Variants in RIMS2 observed in about 807,000 individuals in gnomAD.
The protein encoded by RIMS2 is regulating synaptic membrane exocytosis 2.
Under a neutral mutation model 174.4 loss-of-function variants are expected in RIMS2, and 59 were observed. The observed-to-expected ratio is 0.34, with a 90% CI of 0.27 to 0.42. The LOEUF is 0.42. Among genes scored for constraint, RIMS2 ranks in the 10% least tolerant of loss-of-function variants. RIMS2 has a pLI of 1.00. For missense variants in RIMS2, 1,620 were observed against 1,666.3 expected (o/e 0.97, Z 0.48); for synonymous variants, 606 against 572.5 (o/e 1.06, Z -0.84).
intron 3 of RIMS2, among the ~76,000 whole-genome samples, chr8:103,863,908 G>T (rs67628222): frequency 0.32 from 23,906 of 74,206 alleles, 2,132 homozygotes; most frequent in Non-Finnish European, 0.36. Context: ...TGTTTTTTTT[G>T]TTTGTTTGTT....
intron 1 of RIMS2, among the ~76,000 whole-genome samples, chr8:103,640,579 T>C (rs1324709057): frequency 6.6e-6 from 1 of 152,178 alleles, no homozygotes; most frequent in East Asian, 1.9e-4. Flanking sequence ...TTCATTTAGT[T>C]AAGCATATTT....
At chr8:103,545,707 T>C (rs1030812207) in intron 1 of RIMS2, among the ~76,000 whole-genome samples, 3 of 152,140 alleles carry the variant, frequency 2.0e-5, no homozygotes, top group South Asian at 2.1e-4. Flanking sequence ...CTAGAAGAGA[T>C]TGGGGGCTTA....
rs2093220085 is a variant in RIMS2 at position 103,576,170 on chromosome 8, G to GCTAT, written c.176+75110_176+75113dup. On this transcript the variant is annotated intron_variant, in intron 1 of 23. Coordinates refer to ENST00000504942, the Ensembl canonical transcript of RIMS2. ...CTAGCCAGCCTTCCCACACTATAAG[G>GCTAT]CTATCCCCTTTGGGACTCATTTGGA... Among the ~76,000 whole-genome samples the GCTAT allele has an allele frequency of 2.6e-5, 4 of 152,268 alleles. No homozygotes were observed. In the South Asian group the frequency reaches 8.3e-4, roughly 32 times the overall value.
Position 103,503,505 on chromosome 8 carries a change from T to C in RIMS2, c.176+2443T>C, listed in dbSNP as rs536627688. ...TTCCCATGAAGTTTTAGGGTTCGCT[T>C]ACCTAGTCATTACTATCCTTTGTTT... On this transcript the variant is annotated intron_variant, in intron 1 of 23. Transcript: ENST00000504942. Among the ~76,000 whole-genome samples, 36 of 152,130 alleles carry C rather than the reference T, an allele frequency of 2.4e-4. No homozygotes were observed. The South Asian group carries it at 7.2e-3, about 31-fold the overall frequency.
intron 19 of RIMS2, among the ~76,000 whole-genome samples, chr8:104,224,514 TTGAC>T (rs1367202089): frequency 2.0e-5 from 3 of 152,232 alleles, no homozygotes; most frequent in Non-Finnish European, 4.4e-5. Flanking sequence ...AAAATGATAA[TTGAC>T]TGGTAAATAG....
intron 3 of RIMS2, among the ~76,000 whole-genome samples, chr8:103,871,705 T>C (rs573955363): frequency 2.0e-5 from 3 of 152,274 alleles, no homozygotes; most frequent in Admixed American, 6.5e-5. Flanking sequence ...CTCAAAAGAC[T>C]GTAGGATCAG....
At chr8:104,196,460 T>C (rs531924823) in intron 19 of RIMS2, among the ~76,000 whole-genome samples, 329 of 152,264 alleles carry the variant, frequency 2.2e-3, no homozygotes, top group Non-Finnish European at 3.2e-3. Context: ...TTATTATTAC[T>C]AGTAGCTTTA....
At chr8:103,604,368 T>C (rs1240937402) in intron 1 of RIMS2, among the ~76,000 whole-genome samples, 3 of 152,094 alleles carry the variant, frequency 2.0e-5, no homozygotes, top group Admixed American at 6.5e-5. Flanking sequence ...ATCTCTGTTT[T>C]GGTACCAGTA....
chr8:104,111,446 C>T (rs2098181515), intron 19 of RIMS2, among the ~76,000 whole-genome samples: 1 of 152,186 alleles, frequency 6.6e-6, no homozygotes, highest in Non-Finnish European at 1.5e-5. Flanking sequence ...CTCACTCTGT[C>T]ATCCAGGCTG....
At chr8:103,766,381 C>A in exon 3 of RIMS2, 1 of 1,613,732 alleles carries the variant, frequency 6.2e-7, no homozygotes, top group East Asian at 2.2e-5. Context: ...GAGAAGAAAC[C>A]AAAACTACAT....
chr8:104,231,106 TC>T (rs2099225504), intron 19 of RIMS2, among the ~76,000 whole-genome samples: 1 of 152,168 alleles, frequency 6.6e-6, no homozygotes, highest in African/African-American at 2.4e-5. Flanking sequence ...CGTTTTTCTT[TC>T]CCATTCTCGT....
intron 1 of RIMS2, among the ~76,000 whole-genome samples, chr8:103,549,655 A>G (rs945113810): frequency 5.9e-5 from 9 of 152,342 alleles, no homozygotes; most frequent in Non-Finnish European, 1.2e-4. Flanking sequence ...TAAATGCTCC[A>G]ATTAAAAGAC....
At chr8:103,885,194 G>A (rs918914147) in intron 3 of RIMS2, 104 bp from the exon 7 acceptor site, 44 of 1,422,722 alleles carry the variant, frequency 3.1e-5, no homozygotes, top group Non-Finnish European at 3.9e-5. Context: ...TTTTAAAAAG[G>A]CAAAAGGACT....
intron 3 of RIMS2, among the ~76,000 whole-genome samples, chr8:103,809,010 T>C (rs571594489): frequency 6.6e-6 from 1 of 152,316 alleles, no homozygotes; most frequent in Admixed American, 6.5e-5. Flanking sequence ...AAACACATAA[T>C]TATTCATGGA....
chr8:104,130,258 C>T (rs2098463890), intron 19 of RIMS2, among the ~76,000 whole-genome samples: 1 of 152,140 alleles, frequency 6.6e-6, no homozygotes, highest in South Asian at 2.1e-4. Flanking sequence ...TTCATTATGT[C>T]AGATGCAATG....
chr8:104,069,612 A>G (rs1390710735), intron 19 of RIMS2, among the ~76,000 whole-genome samples: 2 of 151,428 alleles, frequency 1.3e-5, no homozygotes, highest in Non-Finnish European at 2.9e-5. Flanking sequence ...GGGGCTACAG[A>G]CATGCGCCAC....
At chr8:103,771,077 C>G (rs2098248069) in intron 3 of RIMS2, among the ~76,000 whole-genome samples, 2 of 152,144 alleles carry the variant, frequency 1.3e-5, no homozygotes, top group African/African-American at 4.8e-5. Flanking sequence ...TGTTATTTCT[C>G]TCACAGGTTT....
At chr8:103,984,469 A>T (rs141990257) in intron 16 of RIMS2, among the ~76,000 whole-genome samples, 1,678 of 152,366 alleles carry the variant, frequency 0.011, 41 homozygotes, top group African/African-American at 0.038. Context: ...AACATCATTG[A>T]TCATCAGAGA....
At chr8:104,214,643 T>G (rs145986729) in intron 19 of RIMS2, among the ~76,000 whole-genome samples, 16 of 152,314 alleles carry the variant, frequency 1.1e-4, no homozygotes, top group African/African-American at 3.1e-4. Context: ...AGACAGGGTT[T>G]CACCATGTTG....
Sources: allele counts gnomAD v4.1 joint callset (sites outside exome capture counted in the v4.1 genomes callset), GRCh38; gene constraint gnomAD v4.1.1; transcripts MANE v1.5; gene names NCBI Gene and HGNC (gene_info 2026-07-23, HGNC 2026-07-21).